Variants in FGFR2 observed in about 807,000 individuals in gnomAD.
FGFR2 encodes BEK fibroblast growth factor receptor.
A neutral mutation model predicts 95.9 loss-of-function variants in FGFR2; 19 were observed. The ratio of observed to expected loss-of-function variants is 0.20; its 90% CI spans 0.14 to 0.29. The LOEUF (loss-of-function observed/expected upper bound fraction) is 0.29. Among genes scored for constraint, FGFR2 ranks in the 10% least tolerant of loss-of-function variants. The pLI, the probability that FGFR2 is intolerant of heterozygous loss-of-function variation, is 1.00. For synonymous variants in FGFR2, 392 were observed against 393.3 expected (o/e 1.00, Z 0.04); for missense variants, 707 against 1,056.9 (o/e 0.67, Z 4.59).
At chr10:121,524,140 A>ACCCCCCC (rs1241424540) in intron 6 of FGFR2, among the ~76,000 whole-genome samples, 1 of 136,232 alleles carries the variant, frequency 7.3e-6, no homozygotes, top group African/African-American at 2.7e-5. Flanking sequence ...ACACACACAC[A>ACCCCCCC]CACACACCCC....
At chr10:121,515,351 T>C (rs1319610068) in intron 8 of FGFR2, 32 bp from the exon 9 acceptor site, 1 of 1,602,436 alleles carries the variant, frequency 6.2e-7, no homozygotes, top group South Asian at 1.1e-5. Context: ...GAGGAACAGA[T>C]AAGCAGGCCA....
intron 9 of FGFR2, among the ~76,000 whole-genome samples, chr10:121,514,064 A>C (rs1236425106): frequency 6.6e-6 from 1 of 152,194 alleles, no homozygotes; most frequent in Non-Finnish European, 1.5e-5. Flanking sequence ...TGTAAAATGC[A>C]GATTCCTGGC....
chr10:121,484,504 A>G (rs1369910237), intron 16 of FGFR2, among the ~76,000 whole-genome samples: 2 of 152,218 alleles, frequency 1.3e-5, no homozygotes, highest in Non-Finnish European at 2.9e-5. Context: ...CATTCATCAG[A>G]CATCCACGGT....
intron 9 of FGFR2, among the ~76,000 whole-genome samples, chr10:121,512,365 G>A (rs1177314671): frequency 1.3e-5 from 2 of 152,116 alleles, no homozygotes; most frequent in East Asian, 1.9e-4. Flanking sequence ...ATCCAATAAT[G>A]TACCCCACTT....
intron 17 of FGFR2, among the ~76,000 whole-genome samples, chr10:121,481,362 G>A (rs540903587): frequency 1.6e-4 from 24 of 148,666 alleles, no homozygotes; most frequent in African/African-American, 5.8e-4. Flanking sequence ...AGAGCCCATG[G>A]AATGTTGGCA....
At chr10:121,532,093 G>C (rs1444330817) in intron 6 of FGFR2, among the ~76,000 whole-genome samples, 1 of 152,182 alleles carries the variant, frequency 6.6e-6, no homozygotes, top group Non-Finnish European at 1.5e-5. Flanking sequence ...AGGACACCAA[G>C]TCTTACACTC....
intron 4 of FGFR2, among the ~76,000 whole-genome samples, chr10:121,559,763 T>A (rs755045980): frequency 6.6e-6 from 1 of 152,238 alleles, no homozygotes; most frequent in African/African-American, 2.4e-5. Flanking sequence ...ATTCATCACA[T>A]GGGTGCTCTA....
rs575896506 is a variant in FGFR2, at chr10:121,479,541, A to G, written c.*316T>C. On this transcript the variant is annotated 3_prime_UTR_variant, in exon 18 of 18. Coordinates refer to ENST00000358487, the MANE Select transcript of FGFR2 (RefSeq NM_000141.5). ...ACATAAATCTTCTCCAATTATTACA[A>G]AATTAACAAGGAAGGCAGAACGCAC... 15 of 1,505,432 alleles carry G rather than the reference A, an allele frequency of 1.0e-5. No homozygotes were observed. The East Asian group carries it at 3.5e-4, about 35-fold the overall frequency. The allele number at this position is 1,505,432 out of a possible 1,614,324, so 93.3% of individuals were successfully genotyped here. A position where few individuals can be genotyped will look rare whatever the true frequency, so the allele number is the denominator to read the frequency against.
intron 2 of FGFR2, among the ~76,000 whole-genome samples, chr10:121,574,577 A>G (rs1411232632): frequency 2.0e-5 from 3 of 152,184 alleles, no homozygotes; most frequent in Non-Finnish European, 4.4e-5. Flanking sequence ...AAGGCAATGG[A>G]GTCCCGCCAT....
At chr10:121,558,070 C>A (rs144818788) in intron 4 of FGFR2, among the ~76,000 whole-genome samples, 39 of 152,286 alleles carry the variant, frequency 2.6e-4, no homozygotes, top group African/African-American at 8.4e-4. Context: ...CTGAACTTTT[C>A]GTCCATCATG....
chr10:121,530,760 A>T (rs895578235), intron 6 of FGFR2, among the ~76,000 whole-genome samples: 1 of 152,214 alleles, frequency 6.6e-6, no homozygotes, highest in African/African-American at 2.4e-5. Flanking sequence ...TCCAAATATA[A>T]GCAACTTATT....
At chr10:121,569,295 A>G (rs1858215020) in intron 2 of FGFR2, among the ~76,000 whole-genome samples, 1 of 149,318 alleles carries the variant, frequency 6.7e-6, no homozygotes, top group South Asian at 2.1e-4. Flanking sequence ...ATCTCGGCTC[A>G]CCGCAACCTC....
At position 121,479,917 on chromosome 10, in the gene FGFR2, G is replaced by A; in HGVS notation, c.2406C>T (p.Pro802=). 6.2e-7 allele frequency: 1 copy of A among 1,614,138 alleles called. No individual in the cohort carries two copies. The highest frequency in any genetic ancestry group is 8.5e-7 in the Non-Finnish European group (1 of 1,180,018). Residue 802 remains proline, a synonymous_variant, in exon 18 of 18, where the codon CCC becomes CCT. Transcript: ENST00000358487. The part of the protein sequence containing the change: ...SGDDSVFSPD[P]MPYEPCLPQY... ...GAGGAAGGCATGGTTCGTAAGGCAT[G>A]GGGTCTGGAGAAAAAACAGAATCAT... is the stretch of plus-strand genomic sequence containing the variant.
intron 13 of FGFR2, among the ~76,000 whole-genome samples, chr10:121,495,266 A>C (rs1846637414): frequency 6.6e-6 from 1 of 152,192 alleles, no homozygotes; most frequent in Non-Finnish European, 1.5e-5. Context: ...AGATCTGAAA[A>C]AGTCTTAAAC....
At position 121,479,885 on chromosome 10, in the gene FGFR2, G is replaced by C. The variant is rs567030847; in HGVS notation, c.2438C>G (p.Pro813Arg). ...MPYEPCLPQYPHINGSVKT is the reference protein window; with the variant it reads ...MPYEPCLPQYRHINGSVKT ...TGTTTTAACACTGCCGTTTATGTGT[G>C]GATACTGAGGAAGGCATGGTTCGTA... Residue 813 changes from proline (P) to arginine (R), a missense_variant, in exon 18 of 18, where the codon CCA becomes CGA. Physicochemically the swap from Pro to Arg is moderately radical, Grantham distance 103. This residue lies in a region of FGFR2 where 51 missense variants were observed against 50.2 expected (regional missense o/e 1.01). Coordinates refer to ENST00000358487, the MANE Select transcript of FGFR2 (RefSeq NM_000141.5). 6.2e-7 allele frequency: 1 copy of C among 1,614,124 alleles called. No individual in the cohort carries two copies. Among genetic ancestry groups the C allele is most frequent in the South Asian group, 1.1e-5 (1 of 91,078 alleles).
rs536159025 is a variant in FGFR2, at chr10:121,526,928, C to T, written c.749-6759G>A. ...GGGCTCCCACTTCCTCTAAAACACA[C>T]ACGTCTCTTTGCAGAGAGAGTGAAG... On this transcript the variant is annotated intron_variant, in intron 6 of 17. Coordinates refer to ENST00000358487, the MANE Select transcript of FGFR2 (RefSeq NM_000141.5). 1.3e-5 allele frequency: 5 copies of T among 394,920 alleles called. No homozygotes were observed. The South Asian group carries it at 7.1e-4, about 56-fold the overall frequency. 24.5% of individuals were successfully genotyped at this position (394,920 alleles called of 1,614,324 possible).
At chr10:121,564,191 T>G in intron 4 of FGFR2, 2 of 424,536 alleles carry the variant, frequency 4.7e-6, no homozygotes, top group Non-Finnish European at 8.8e-6. Context: ...TGTTACATGG[T>G]TCTACTATTC....
chr10:121,595,714 TC>T (rs1863337781), intron 1 of FGFR2, among the ~76,000 whole-genome samples: 1 of 152,224 alleles, frequency 6.6e-6, no homozygotes, highest in African/African-American at 2.4e-5. Context: ...TCAGGAACAA[TC>T]CTAAGTCCTC....
rs1366511047 is a variant in FGFR2 at position 121,580,339 on chromosome 10, ATCCCC to A, written c.109+13365_109+13369del. On this transcript the variant is annotated intron_variant, in intron 2 of 17. Transcript: ENST00000358487. ...GAGTCTGCAGATGTGTCCCCGCCTGATCCCCTCAGCAGCATCCCAGCCATTTGCAA... is the reference window on the plus strand; with the variant it reads ...GAGTCTGCAGATGTGTCCCCGCCTGATCAGCAGCATCCCAGCCATTTGCAA... 3.3e-5 allele frequency among the ~76,000 whole-genome samples: 5 copies of A among 152,120 alleles called. No individual in the cohort carries two copies. The East Asian group carries it at 7.7e-4, about 24-fold the overall frequency.
Sources: gnomAD v4.1 joint callset for allele counts (sites outside exome capture counted in the v4.1 genomes callset) on GRCh38, gnomAD v4.1.1 for gene constraint, gnomAD v4.1.1 regional missense constraint, MANE v1.5 for transcripts, NCBI Gene and HGNC (gene_info 2026-07-23, HGNC 2026-07-21) for gene names.